Variants in CNTNAP3 observed in about 807,000 individuals in gnomAD.
CNTNAP3 encodes contactin-associated protein-like 3.
In CNTNAP3, 36 loss-of-function variants were observed where a neutral mutation model predicts 92.1. The observed-to-expected ratio is 0.39, with a 90% CI of 0.30 to 0.52. The LOEUF is 0.52. Among genes scored for constraint, CNTNAP3 ranks in the 20% least tolerant of loss-of-function variants. The pLI, the probability that CNTNAP3 is intolerant of heterozygous loss-of-function variation, is 0.76. For missense variants in CNTNAP3, 534 were observed against 1,069.6 expected (o/e 0.50, Z 6.98); for synonymous variants, 232 against 422.3 (o/e 0.55, Z 5.53).
chr9:39,114,810 A>G (rs1410967914), intron 14 of CNTNAP3, among the ~76,000 whole-genome samples: 1 of 152,020 alleles, frequency 6.6e-6, no homozygotes, highest in African/African-American at 2.4e-5. Context: ...TTAAATTCTT[A>G]AGTAAAATAA....
At chr9:39,117,486 T>A (rs1271894376) in intron 14 of CNTNAP3, among the ~76,000 whole-genome samples, 1 of 152,166 alleles carries the variant, frequency 6.6e-6, no homozygotes, top group Non-Finnish European at 1.5e-5. Flanking sequence ...ATGAGAAAAT[T>A]GTTTCTGCTC....
chr9:39,109,137 A>G, intron 15 of CNTNAP3, 23 bp downstream of exon 15: 1 of 1,598,358 alleles, frequency 6.3e-7, no homozygotes. Context: ...ATGAAAATAA[A>G]GCTTTTTCTT....
chr9:39,113,651 AC>A (rs1319239052), intron 14 of CNTNAP3, among the ~76,000 whole-genome samples: 1 of 152,050 alleles, frequency 6.6e-6, no homozygotes. Context: ...ACACGCATGA[AC>A]TTTTAAAAAT....
intron 15 of CNTNAP3, among the ~76,000 whole-genome samples, chr9:39,104,520 A>ACACACACT (rs1491387428): frequency 2.1e-5 from 3 of 145,872 alleles, no homozygotes; most frequent in Non-Finnish European, 3.0e-5. Context: ...ACACACACAC[A>ACACACACT]CTGTCTTAAT....
intron 11 of CNTNAP3, among the ~76,000 whole-genome samples, chr9:39,141,543 T>C (rs894414334): frequency 5.3e-5 from 8 of 152,162 alleles, no homozygotes; most frequent in African/African-American, 1.9e-4. Flanking sequence ...ATAATGTAAA[T>C]TTACTCTAGC....
At chr9:39,118,388 C>T in intron 13 of CNTNAP3, 129 bp from the exon 14 acceptor site, 1 of 1,315,250 alleles carries the variant, frequency 7.6e-7, no homozygotes, top group East Asian at 2.4e-5. Flanking sequence ...TGAAACTATA[C>T]TTAAATACTT....
chr9:39,091,414 T>C (rs2118442742), intron 18 of CNTNAP3, among the ~76,000 whole-genome samples: 1 of 152,214 alleles, frequency 6.6e-6, no homozygotes, highest in East Asian at 1.9e-4. Context: ...TGAAAGGATG[T>C]TGGATTTTAT....
At chr9:39,086,694 A>C (rs749204525) in intron 20 of CNTNAP3, 22 bp downstream of exon 20, 22 of 1,605,030 alleles carry the variant, frequency 1.4e-5, no homozygotes, top group Non-Finnish European at 1.9e-5. Flanking sequence ...AGTTAGTTTG[A>C]CTTTTGCATT....
intron 23 of CNTNAP3, among the ~76,000 whole-genome samples, chr9:39,077,559 A>AAAACAAAC (rs200606454): frequency 0.034 from 5,036 of 147,586 alleles, 125 homozygotes; most frequent in Middle Eastern, 0.079. Flanking sequence ...TCTGTCTCAA[A>AAAACAAAC]AAACAAACAA....
chr9:39,106,290 A>T (rs1826605257), intron 15 of CNTNAP3, among the ~76,000 whole-genome samples: 1 of 152,056 alleles, frequency 6.6e-6, no homozygotes, highest in African/African-American at 2.4e-5. Context: ...TTCATTAATC[A>T]ATTTATTTAT....
chr9:39,151,818 T>C (rs972392569), intron 9 of CNTNAP3, among the ~76,000 whole-genome samples: 6 of 147,630 alleles, frequency 4.1e-5, no homozygotes, highest in Non-Finnish European at 9.1e-5. Flanking sequence ...CCTGCTTATA[T>C]TGATTCTGTA....
chr9:39,120,596 G>C (rs1443824587), intron 13 of CNTNAP3, among the ~76,000 whole-genome samples: 2 of 152,124 alleles, frequency 1.3e-5, no homozygotes, highest in Non-Finnish European at 2.9e-5. Flanking sequence ...CGTGAACCCG[G>C]GAGGCGGAGC....
At chr9:39,103,154 T>C (rs1010946545) in intron 16 of CNTNAP3, among the ~76,000 whole-genome samples, 27 of 152,284 alleles carry the variant, frequency 1.8e-4, no homozygotes, top group Non-Finnish European at 3.2e-4. Flanking sequence ...TCTGGTCAAA[T>C]ATTTTTGGAA....
intron 14 of CNTNAP3, among the ~76,000 whole-genome samples, chr9:39,117,213 A>ACCTTCTG (rs1478963769): frequency 1.3e-5 from 2 of 151,894 alleles, no homozygotes; most frequent in African/African-American, 4.8e-5. Flanking sequence ...GCTGGTCTCA[A>ACCTTCTG]CCTTCTGACC....
chr9:39,170,369 C>G (rs1822235316), intron 8 of CNTNAP3, among the ~76,000 whole-genome samples: 1 of 102,628 alleles, frequency 9.7e-6, no homozygotes, highest in Non-Finnish European at 1.7e-5. Flanking sequence ...CCCCTGGTCT[C>G]AAGCAGAAGT....
At chr9:39,170,635 C>G (rs1251834892) in intron 8 of CNTNAP3, among the ~76,000 whole-genome samples, 2 of 18,730 alleles carry the variant, frequency 1.1e-4, no homozygotes, top group Non-Finnish European at 1.6e-4. Flanking sequence ...CCTAACCTAG[C>G]ATTTGCCCAA....
Position 39,092,424 on chromosome 9 carries a change from C to A in CNTNAP3, c.2996-3777G>T, listed in dbSNP as rs548025168. On this transcript the variant is annotated intron_variant, in intron 18 of 23. Coordinates refer to ENST00000297668, the MANE Select transcript of CNTNAP3 (RefSeq NM_033655.5). Reference sequence around the variant, plus strand: ...TCTAAACCCTGCTTTAGCTGTGTTACTATATGTTTTAGTAATGTTGTATTT... The same window carrying A: ...TCTAAACCCTGCTTTAGCTGTGTTAATATATGTTTTAGTAATGTTGTATTT... Among the ~76,000 whole-genome samples, 23 of 133,186 alleles carry A rather than the reference C, an allele frequency of 1.7e-4. 3 individuals are homozygous for A. The highest frequency in any genetic ancestry group is 6.3e-4 in the African/African-American group (23 of 36,416). The allele number at this position is 133,186 out of a possible 152,430, so 87.4% of individuals were successfully genotyped here. A position where few individuals can be genotyped will look rare whatever the true frequency, so the allele number is the denominator to read the frequency against.
In CNTNAP3 at chr9:39,071,230, A is replaced by G. The variant is rs1825629294; in HGVS notation, c.*2660T>C. Among the ~76,000 whole-genome samples the G allele has an allele frequency of 7.8e-6, 1 of 128,060 alleles. No individual in the cohort carries two copies. The highest frequency in any genetic ancestry group is 2.3e-4 in the South Asian group (1 of 4,256). 84.0% of individuals were successfully genotyped at this position (128,060 alleles called of 152,430 possible). On this transcript the variant is annotated 3_prime_UTR_variant, in exon 24 of 24. Coordinates refer to ENST00000297668, the MANE Select transcript of CNTNAP3 (RefSeq NM_033655.5). The stretch of plus-strand genomic sequence containing the variant: ...TGTGACTTTTCACAGTAATAGAGAC[A>G]GAGTAATAGAGACACGGGGTAGAAT...
intron 22 of CNTNAP3, 49 bp from the exon 23 acceptor site, chr9:39,078,505 G>C (rs773679198): frequency 6.2e-7 from 1 of 1,611,826 alleles, no homozygotes; most frequent in South Asian, 1.1e-5. Context: ...ATTTAATCAC[G>C]CCACAATTTA....
Sources: allele counts gnomAD v4.1 joint callset (sites outside exome capture counted in the v4.1 genomes callset), GRCh38; gene constraint gnomAD v4.1.1; transcripts MANE v1.5; gene names NCBI Gene and HGNC (gene_info 2026-07-23, HGNC 2026-07-21).